The following RHOG variants were observed in gnomAD, a reference collection of about 807,000 sequenced individuals.
RHOG encodes the protein ras homolog family member G, also known as rho-related GTP-binding protein RhoG.
Under a neutral mutation model 12.3 loss-of-function variants are expected in RHOG, and 1 was observed. The ratio of observed to expected loss-of-function variants is 0.08; its 90% CI spans 0.03 to 0.39. The LOEUF is 0.39. Among genes scored for constraint, RHOG ranks in the 10% least tolerant of loss-of-function variants. The probability of loss-of-function intolerance (pLI) is 0.99; values close to 1 mark genes in which losing one functional copy is unlikely to be tolerated. For synonymous variants in RHOG, 129 were observed against 116.0 expected, an observed-to-expected ratio of 1.11 and a Z score of -0.72; for missense variants, 114 against 266.2, an observed-to-expected ratio of 0.43 and a Z score of 3.98.
At chr11:3,838,640 C>T (rs1161701091) in intron 1 of RHOG, among the ~76,000 whole-genome samples, 4 of 144,424 alleles carry the variant, frequency 2.8e-5, no homozygotes, top group African/African-American at 7.6e-5. Flanking sequence ...GGGAGAGGGA[C>T]GACTGTGACA....
chr11:3,829,668 G>A (rs549858497), intron 1 of RHOG, among the ~76,000 whole-genome samples: 3 of 152,106 alleles, frequency 2.0e-5, no homozygotes, highest in Non-Finnish European at 4.4e-5. Context: ...CTGGGGTCTG[G>A]GTATGTTATG....
chr11:3,827,130 T>G lies in RHOG; in HGVS notation c.*433A>C. 1 of 188,914 alleles carries G rather than the reference T, an allele frequency of 5.3e-6. No homozygotes were observed. Among genetic ancestry groups the G allele is most frequent in the Non-Finnish European group, 1.1e-5 (1 of 89,560 alleles). The allele number at this position is 188,914 out of a possible 1,614,324, so 11.7% of individuals were successfully genotyped here. A position where few individuals can be genotyped will look rare whatever the true frequency, so the allele number is the denominator to read the frequency against. On this transcript the variant is annotated 3_prime_UTR_variant, in exon 2 of 2. Coordinates refer to ENST00000351018, the MANE Select transcript of RHOG (RefSeq NM_001665.4). The surrounding 1 kb of genome is among the most constrained non-coding windows in gnomAD (Gnocchi z 7.3). Reference sequence around the variant, plus strand: ...TCTCAGGATTCTGTGGCTCCCTCATTGGAGAAGGGAGAGAGCATCTTGGGG... The same window carrying G: ...TCTCAGGATTCTGTGGCTCCCTCATGGGAGAAGGGAGAGAGCATCTTGGGG...
intron 1 of RHOG, among the ~76,000 whole-genome samples, chr11:3,838,293 C>T (rs999185377): frequency 2.0e-5 from 3 of 152,212 alleles, no homozygotes; most frequent in Non-Finnish European, 4.4e-5. Context: ...TCCAATGATG[C>T]CTTTTTTGCA....
At chr11:3,836,858 G>A (rs888783382) in intron 1 of RHOG, among the ~76,000 whole-genome samples, 1 of 136,190 alleles carries the variant, frequency 7.3e-6, no homozygotes, top group African/African-American at 2.8e-5. Flanking sequence ...AGCTGAGATC[G>A]CGCCATTGCA....
At chr11:3,837,211 C>T (rs187634292) in intron 1 of RHOG, among the ~76,000 whole-genome samples, 13 of 152,282 alleles carry the variant, frequency 8.5e-5, no homozygotes, top group Non-Finnish European at 1.9e-4. Context: ...TTAGCCCCGC[C>T]CGAGGCCTGA....
intron 1 of RHOG, among the ~76,000 whole-genome samples, chr11:3,829,355 T>C (rs1451797712): frequency 6.7e-6 from 1 of 148,854 alleles, no homozygotes; most frequent in Non-Finnish European, 1.5e-5. Flanking sequence ...TGGGTTCAAG[T>C]GTCTCCTGCC....
chr11:3,834,650 G>T (rs372596451), intron 1 of RHOG, among the ~76,000 whole-genome samples: 2 of 152,246 alleles, frequency 1.3e-5, no homozygotes, highest in African/African-American at 4.8e-5. Flanking sequence ...CTGGAGCCCG[G>T]CTTGTACCCA....
Position 3,827,610 on chromosome 11 carries a change from G to T in RHOG, c.529C>A (p.Leu177Ile). 6.2e-7 allele frequency: 1 copy of T among 1,612,024 alleles called. No homozygotes were observed. ...CCACGCTTGATCGGCGTGGGGTTGA[G>T]CACAGCCCGGACAGCCTCGGCGAAC... ...EVFAEAVRAV[L>I]NPTPIKRGRS... Residue 177 changes from leucine to isoleucine, a missense_variant, in exon 2 of 2, where the codon CTC becomes ATC. Coordinates refer to ENST00000351018, the MANE Select transcript of RHOG (RefSeq NM_001665.4). This position sits in a 1 kb window ranked among gnomAD's most constrained non-coding sequence, Gnocchi z 7.3.
At chr11:3,833,962 G>A (rs975098666) in intron 1 of RHOG, among the ~76,000 whole-genome samples, 3 of 152,102 alleles carry the variant, frequency 2.0e-5, no homozygotes, top group African/African-American at 7.2e-5. Flanking sequence ...GCTACCTGTC[G>A]CCCAGGTTAG....
At chr11:3,835,692 C>G (rs758341600) in intron 1 of RHOG, among the ~76,000 whole-genome samples, 5 of 152,134 alleles carry the variant, frequency 3.3e-5, no homozygotes, top group Non-Finnish European at 7.3e-5. Flanking sequence ...AGAGGTGAAG[C>G]TGGCAGATCT....
intron 1 of RHOG, among the ~76,000 whole-genome samples, chr11:3,834,279 C>A (rs1565083938): frequency 6.6e-6 from 1 of 152,106 alleles, no homozygotes; most frequent in Non-Finnish European, 1.5e-5. Context: ...AACAGTCATA[C>A]GTAAGTTTCC....
intron 1 of RHOG, among the ~76,000 whole-genome samples, chr11:3,828,979 AG>A (rs1211446828): frequency 6.6e-6 from 1 of 151,754 alleles, no homozygotes; most frequent in Non-Finnish European, 1.5e-5. Context: ...GCACAAATTT[AG>A]GGATCTACTA....
At chr11:3,837,061 G>A (rs1278022004) in intron 1 of RHOG, among the ~76,000 whole-genome samples, 1 of 152,030 alleles carries the variant, frequency 6.6e-6, no homozygotes, top group Admixed American at 6.6e-5. Flanking sequence ...GCAGTCCCTG[G>A]GCCCCACCAA....
intron 1 of RHOG, among the ~76,000 whole-genome samples, chr11:3,836,357 CAAAAA>C (rs61427960): frequency 8.4e-6 from 1 of 119,588 alleles, no homozygotes; most frequent in Non-Finnish European, 1.7e-5. Context: ...ACTCCATCTC[CAAAAA>C]AAAAAAAAAA....
intron 1 of RHOG, among the ~76,000 whole-genome samples, chr11:3,833,697 A>G (rs908803890): frequency 2.0e-5 from 3 of 152,240 alleles, no homozygotes; most frequent in Non-Finnish European, 4.4e-5. Context: ...TATAAGGACT[A>G]AGTGCATTAA....
At chr11:3,835,119 C>T (rs1202448453) in intron 1 of RHOG, among the ~76,000 whole-genome samples, 1 of 152,162 alleles carries the variant, frequency 6.6e-6, no homozygotes, top group East Asian at 1.9e-4. Flanking sequence ...TGATGTGAAT[C>T]TTATCTCTTG....
chr11:3,834,123 A>C (rs185895099), intron 1 of RHOG, among the ~76,000 whole-genome samples: 1 of 152,262 alleles, frequency 6.6e-6, no homozygotes, highest in Non-Finnish European at 1.5e-5. Context: ...GGATTTCATC[A>C]TGTTGGCCAG....
chr11:3,828,909 T>A (rs182182421), intron 1 of RHOG, among the ~76,000 whole-genome samples: 1 of 150,926 alleles, frequency 6.6e-6, no homozygotes, highest in African/African-American at 2.5e-5. Context: ...CGTGAGCCAC[T>A]GCGCCTGGCC....
intron 1 of RHOG, among the ~76,000 whole-genome samples, chr11:3,830,213 T>C (rs1479700642): frequency 6.6e-6 from 1 of 152,180 alleles, no homozygotes; most frequent in East Asian, 1.9e-4. Flanking sequence ...ATTAAGAACA[T>C]AGATGCTAGA....
Sources: allele counts gnomAD v4.1 joint callset (sites outside exome capture counted in the v4.1 genomes callset), GRCh38; gene constraint gnomAD v4.1.1; non-coding constraint Gnocchi (gnomAD v3.1); transcripts MANE v1.5; gene names NCBI Gene and HGNC (gene_info 2026-07-23, HGNC 2026-07-21).